The following TENM1 variants were observed in gnomAD, a reference collection of about 807,000 sequenced individuals.
The protein encoded by TENM1 is teneurin transmembrane protein 1.
In TENM1, 35 loss-of-function variants were observed where a neutral mutation model predicts 174.8. The observed-to-expected ratio is 0.20, with a 90% confidence interval of 0.15 to 0.27. The LOEUF is 0.27. Ranked by LOEUF, TENM1 falls within the 10% of genes least tolerant of loss-of-function variation. The pLI, the probability that TENM1 is intolerant of heterozygous loss-of-function variation, is 1.00. For missense variants in TENM1, 1,633 were observed against 2,130.1 expected (o/e 0.77, Z 4.59); for synonymous variants, 781 against 798.7 (o/e 0.98, Z 0.37).
chrX:124,590,580 A>C (rs1448713088), intron 11 of TENM1, among the ~76,000 whole-genome samples: 1 of 111,980 alleles, frequency 8.9e-6, no homozygotes, highest in Non-Finnish European at 1.9e-5. Context: ...TTCTATTTTT[A>C]TTCCACTGTG....
rs151180333 is a variant in TENM1, at chrX:124,690,697, C to T, written c.1015+14316G>A. Among the ~76,000 whole-genome samples, 561 of 110,417 alleles carry T rather than the reference C, an allele frequency of 5.1e-3. 4 individuals are homozygous for T. Among genetic ancestry groups the T allele is most frequent in the African/African-American group, 0.017 (530 of 30,329 alleles). On this transcript the variant is annotated intron_variant, in intron 5 of 31. Coordinates refer to ENST00000422452, the Ensembl canonical transcript of TENM1. ...ATCCTGGCAGTAATAAGTGAGTTAT[C>T]TTCTTGTTCTACTAGTTCTTGCAAG...
rs183203987 is a variant in TENM1, at chrX:124,916,393, G to A, written c.218-20152C>T. ...CATCATCATAGCTCACTGTAACCTC[G>A]ACCTCCTGGGTTCAAGTGATTCTCC... On this transcript the variant is annotated intron_variant, in intron 1 of 31. Transcript: ENST00000422452. Among the ~76,000 whole-genome samples the A allele has an allele frequency of 9.4e-4, 104 of 110,645 alleles. 13 individuals are homozygous for A. The highest frequency in any genetic ancestry group is 5.3e-3 in the Admixed American group (55 of 10,387).
Position 124,445,761 on chromosome X carries a change from G to A in TENM1, c.4104+7576C>T, listed in dbSNP as rs183149492. On this transcript the variant is annotated intron_variant, in intron 23 of 31. Transcript: ENST00000422452. Reference sequence around the variant, plus strand: ...TGACTTTGGGAAAAGCATTAGGCTGGCTCCAAGGAGTAACTTGCTATCCCA... The same window carrying A: ...TGACTTTGGGAAAAGCATTAGGCTGACTCCAAGGAGTAACTTGCTATCCCA... 6.2e-4 allele frequency among the ~76,000 whole-genome samples: 70 copies of A among 112,352 alleles called. No homozygotes were observed. The South Asian group carries it at 0.013, about 20-fold the overall frequency.
At chrX:124,943,700 T>C (rs1224799742) in intron 1 of TENM1, among the ~76,000 whole-genome samples, 1 of 112,207 alleles carries the variant, frequency 8.9e-6, no homozygotes, top group African/African-American at 3.2e-5. Flanking sequence ...AAGTACTTCT[T>C]ATCCAGAGAA....
At chrX:124,701,675 A>C (rs1298378906) in intron 5 of TENM1, among the ~76,000 whole-genome samples, 1 of 112,396 alleles carries the variant, frequency 8.9e-6, no homozygotes, top group Non-Finnish European at 1.9e-5. Flanking sequence ...ATTCCATGCT[A>C]TCTTCATATA....
At chrX:124,478,578 G>A (rs1357931786) in intron 22 of TENM1, among the ~76,000 whole-genome samples, 1 of 112,298 alleles carries the variant, frequency 8.9e-6, no homozygotes, top group African/African-American at 3.2e-5. Context: ...AGGACATGTT[G>A]GAGAACCTTC....
intron 1 of TENM1, among the ~76,000 whole-genome samples, chrX:124,941,178 C>A: frequency 9.0e-6 from 1 of 111,636 alleles, no homozygotes; most frequent in Admixed American, 9.5e-5. Flanking sequence ...ATTTATCAAC[C>A]CACTGAAATC....
the TENM1 span, among the ~76,000 whole-genome samples, chrX:125,170,453 G>A: frequency 9.0e-6 from 1 of 111,550 alleles, no homozygotes; most frequent in African/African-American, 3.3e-5. Flanking sequence ...TAAGAGTTCA[G>A]TTTCAGATGC....
At chrX:125,180,402 G>A in the TENM1 span, among the ~76,000 whole-genome samples, 1 of 100,880 alleles carries the variant, frequency 9.9e-6, no homozygotes, top group African/African-American at 3.6e-5. Context: ...TCCACCAGGT[G>A]TGGTGGGTCA....
At chrX:124,962,283 C>T (rs766629167) in intron 1 of TENM1, among the ~76,000 whole-genome samples, 5 of 111,313 alleles carry the variant, frequency 4.5e-5, no homozygotes, top group East Asian at 2.8e-4. Context: ...AAAAATATTT[C>T]GGGGTTCAAG....
the TENM1 span, among the ~76,000 whole-genome samples, chrX:125,169,154 A>G: frequency 1.1e-4 from 12 of 111,372 alleles, no homozygotes; most frequent in African/African-American, 3.9e-4. Context: ...GTTTCTACTT[A>G]TGATCACTAG....
the TENM1 span, among the ~76,000 whole-genome samples, chrX:125,036,600 T>C: frequency 8.9e-6 from 1 of 111,864 alleles, no homozygotes; most frequent in Non-Finnish European, 1.9e-5. Flanking sequence ...GACTTGATGC[T>C]TTACTAACAT....
intron 27 of TENM1, among the ~76,000 whole-genome samples, chrX:124,394,793 C>T (rs927475164): frequency 2.7e-5 from 3 of 112,124 alleles, no homozygotes; most frequent in South Asian, 7.3e-4. Flanking sequence ...CCTACTTTTT[C>T]AGCTAATGTT....
chrX:124,793,858 G>A (rs1179409175), intron 3 of TENM1, among the ~76,000 whole-genome samples: 1 of 110,490 alleles, frequency 9.1e-6, no homozygotes, highest in Non-Finnish European at 1.9e-5. Flanking sequence ...CCAAAGTTGT[G>A]AAATGACTCA....
intron 3 of TENM1, among the ~76,000 whole-genome samples, chrX:124,782,620 C>T (rs897121376): frequency 1.8e-5 from 2 of 109,930 alleles, no homozygotes; most frequent in Non-Finnish European, 3.8e-5. Context: ...ACCAATTCAC[C>T]TCATCATCTC....
chrX:124,818,086 T>C (rs980886261), intron 3 of TENM1, among the ~76,000 whole-genome samples: 20 of 111,061 alleles, frequency 1.8e-4, no homozygotes, highest in Admixed American at 3.9e-4. Flanking sequence ...ATTTAAAAAA[T>C]TGAAATGTAA....
At chrX:124,467,752 TTTTGTTTG>T (rs776938178) in intron 22 of TENM1, among the ~76,000 whole-genome samples, 3 of 111,375 alleles carry the variant, frequency 2.7e-5, no homozygotes, top group South Asian at 7.6e-4. Flanking sequence ...TAAACCCTAG[TTTTGTTTG>T]TTTGTTTGTT....
chrX:125,077,121 A>C, the TENM1 span, among the ~76,000 whole-genome samples: 1 of 111,734 alleles, frequency 8.9e-6, no homozygotes, highest in Middle Eastern at 4.6e-3. Context: ...AAAGAGCATA[A>C]AATTTGATAA....
the TENM1 span, among the ~76,000 whole-genome samples, chrX:125,070,176 G>T: frequency 9.4e-6 from 1 of 106,852 alleles, no homozygotes; most frequent in Non-Finnish European, 1.9e-5. Context: ...GGGAGACAGA[G>T]ACCCCGTGTC....
Sources: gnomAD v4.1 joint callset for allele counts (sites outside exome capture counted in the v4.1 genomes callset) on GRCh38, gnomAD v4.1.1 for gene constraint, MANE v1.5 for transcripts, NCBI Gene and HGNC (gene_info 2026-07-23, HGNC 2026-07-21) for gene names.